CALHM4: variants seen among roughly 807,000 people sequenced by gnomAD.
The protein encoded by CALHM4 is calcium homeostasis modulator family member 4.
A neutral mutation model predicts 13.3 loss-of-function variants in CALHM4; 16 were observed. That is an observed-to-expected ratio of 1.20 (90% confidence interval 0.81 to 1.82). CALHM4 has a LOEUF of 1.82. CALHM4 is among the 40% of genes most tolerant of loss of function. The pLI, the probability that CALHM4 is intolerant of heterozygous loss-of-function variation, is 0.00. For synonymous variants in CALHM4, 127 were observed against 137.1 expected, an observed-to-expected ratio of 0.93 and a Z score of 0.52; for missense variants, 344 against 374.9, an observed-to-expected ratio of 0.92 and a Z score of 0.68.
chr6:116,553,831 A>G lies in CALHM4; in HGVS notation c.38A>G (p.Gln13Arg). 6.4e-7 allele frequency: 1 copy of G among 1,550,648 alleles called. No homozygotes were observed. Among genetic ancestry groups the G allele is most frequent in the Non-Finnish European group, 8.7e-7 (1 of 1,147,008 alleles). Residue 13 changes from glutamine to arginine, a missense_variant, in exon 1 of 2, where the codon CAG (glutamine) becomes CGG (arginine). By Grantham distance (43) the Gln-to-Arg change is conservative. Transcript: ENST00000368596. The part of the protein sequence containing the change: ...PTLNNIVSSL[Q>R]RNGIFINSLI... ...CTCAACAATATTGTGTCTTCTCTGCAGAGAAATGGAATATTTATCAATTCT... is the reference window on the plus strand; with the variant it reads ...CTCAACAATATTGTGTCTTCTCTGCGGAGAAATGGAATATTTATCAATTCT...
chr6:116,538,637 G>A lies in CALHM4; in HGVS notation c.-108-5128G>A, dbSNP rs76563779. Among the ~76,000 whole-genome samples the A allele has an allele frequency of 3.4e-3, 516 of 152,110 alleles. 5 individuals are homozygous for A. Among genetic ancestry groups the A allele is most frequent in the African/African-American group, 0.012 (486 of 41,522 alleles). On this transcript the variant is annotated intron_variant, in intron 1 of 2. Coordinates refer to the CALHM4 transcript ENST00000368597. ...CTAATAAACAACCTTAAATACAGGA[G>A]TCAGGTTTTATTTTCCACATTATAT...
At chr6:116,543,456 T>TC in intron 1 of CALHM4, 3 of 1,356,864 alleles carry the variant, frequency 2.2e-6, no homozygotes, top group Non-Finnish European at 3.0e-6. Flanking sequence ...TATACTACTG[T>TC]ATTTCTTTTG....
intron 2 of CALHM4, chr6:116,545,389 C>A: frequency 8.4e-7 from 1 of 1,197,128 alleles, no homozygotes; most frequent in Non-Finnish European, 1.2e-6. Flanking sequence ...ATTCTTATAG[C>A]ATCAGTTTTT....
In CALHM4 at chr6:116,559,213, G is replaced by A. The variant is rs1774477307; in HGVS notation, c.*1002G>A. On this transcript the variant is annotated 3_prime_UTR_variant, in exon 2 of 2. Transcript: ENST00000368596. ...TTATTTCTGTGATATATAGTGACTC[G>A]TGCCTGATTTTTGCTACGTTCACTG... Among the ~76,000 whole-genome samples the A allele has an allele frequency of 2.6e-5, 4 of 152,108 alleles. No individual in the cohort carries two copies. The highest frequency in any genetic ancestry group is 6.5e-5 in the Admixed American group (1 of 15,276).
chr6:116,553,634 A>G, upstream of CALHM4: 1 of 691,232 alleles, frequency 1.4e-6, no homozygotes, highest in Non-Finnish European at 2.4e-6. Context: ...AGGGTTTTCA[A>G]AGTACACAAG....
At chr6:116,542,575 C>T (rs1773530315) in intron 1 of CALHM4, among the ~76,000 whole-genome samples, 1 of 151,996 alleles carries the variant, frequency 6.6e-6, no homozygotes, top group African/African-American at 2.4e-5. Flanking sequence ...AATTAAAAAG[C>T]TCAAAAACCA....
At chr6:116,536,251 A>G (rs933528567) in intron 1 of CALHM4, among the ~76,000 whole-genome samples, 4 of 152,140 alleles carry the variant, frequency 2.6e-5, no homozygotes, top group African/African-American at 9.7e-5. Flanking sequence ...TTTTTATATA[A>G]AATGCAAGGT....
At chr6:116,544,059 A>G (rs1286736124) in intron 2 of CALHM4, among the ~76,000 whole-genome samples, 1 of 151,822 alleles carries the variant, frequency 6.6e-6, no homozygotes, top group East Asian at 1.9e-4. Context: ...TAAATTATCA[A>G]TGAAAAGTCT....
intron 2 of CALHM4, among the ~76,000 whole-genome samples, chr6:116,547,610 T>C (rs1050044317): frequency 1.3e-5 from 2 of 152,200 alleles, no homozygotes; most frequent in Non-Finnish European, 2.9e-5. Flanking sequence ...CAGCAGCTCT[T>C]AGGATGCAAG....
chr6:116,537,636 G>A (rs536279874), intron 1 of CALHM4, among the ~76,000 whole-genome samples: 1 of 152,076 alleles, frequency 6.6e-6, no homozygotes, highest in Non-Finnish European at 1.5e-5. Context: ...AGACTTCATT[G>A]TAAGGTAAAG....
intron 1 of CALHM4, among the ~76,000 whole-genome samples, chr6:116,529,985 A>G (rs1209663319): frequency 6.6e-6 from 1 of 152,224 alleles, no homozygotes; most frequent in East Asian, 1.9e-4. Context: ...AGGACAGGAA[A>G]AAAAATGCCT....
intron 1 of CALHM4, chr6:116,540,273 G>T (rs1773355815): frequency 8.2e-7 from 1 of 1,217,414 alleles, no homozygotes; most frequent in Non-Finnish European, 1.2e-6. Context: ...AATGCAGATG[G>T]AACCTGTCCA....
Position 116,553,799 on chromosome 6 carries a change from C to T in CALHM4, c.6C>T (p.Cys2=). The T allele has an allele frequency of 6.5e-7, 1 of 1,549,010 alleles. No homozygotes were observed. The highest frequency in any genetic ancestry group is 8.7e-7 in the Non-Finnish European group (1 of 1,146,000). The change falls in exon 1 of 2, where the codon TGC becomes TGT. Residue 2 remains cysteine, a synonymous_variant. Transcript: ENST00000368596. M[C]PTLNNIVSSL... is the part of the protein sequence containing the mutation. ...TTGTGTAACAGCTTCCCAAGATGTG[C>T]CCAACTCTCAACAATATTGTGTCTT...
At chr6:116,540,877 C>T (rs1198087255) in intron 1 of CALHM4, among the ~76,000 whole-genome samples, 1 of 152,086 alleles carries the variant, frequency 6.6e-6, no homozygotes, top group Non-Finnish European at 1.5e-5. Flanking sequence ...TCGCTCTTCT[C>T]TTAGCATTGT....
chr6:116,536,718 G>A (rs559741551), intron 1 of CALHM4, among the ~76,000 whole-genome samples: 2 of 152,220 alleles, frequency 1.3e-5, no homozygotes, highest in Non-Finnish European at 2.9e-5. Flanking sequence ...GATGGTGTTC[G>A]GTAGAAGTGT....
chr6:116,554,300 C>G lies in CALHM4; in HGVS notation c.507C>G (p.Asp169Glu). The change falls in exon 1 of 2, where the codon GAC (aspartate) becomes GAG (glutamate). Residue 169 changes from aspartate to glutamate, a missense_variant. Asp to Glu is a conservative substitution (Grantham distance 45). Transcript: ENST00000368596. ...CATGTTGCAGATCAGCTCCTTCTGA[C>G]GTGATCCTAGTAAGAGATGAAATAG... ...GFPCCRSAPS[D>E]VILVRDEIAL... 6.5e-7 allele frequency: 1 copy of G among 1,549,846 alleles called. No individual in the cohort carries two copies. Among genetic ancestry groups the G allele is most frequent in the East Asian group, 2.4e-5 (1 of 40,932 alleles).
At chr6:116,540,484 T>G (rs1562353708) in intron 1 of CALHM4, 2 of 1,546,458 alleles carry the variant, frequency 1.3e-6, no homozygotes, top group East Asian at 4.9e-5. Flanking sequence ...GGAAAGAGTG[T>G]GGTCTGAAAA....
At chr6:116,530,627 C>G (rs1356294834) in intron 1 of CALHM4, among the ~76,000 whole-genome samples, 1 of 152,120 alleles carries the variant, frequency 6.6e-6, no homozygotes, top group Non-Finnish European at 1.5e-5. Context: ...TGCTAATGGT[C>G]TAAAATATTT....
chr6:116,538,649 T>C (rs1032136367), intron 1 of CALHM4, among the ~76,000 whole-genome samples: 17 of 152,190 alleles, frequency 1.1e-4, no homozygotes, highest in Non-Finnish European at 2.5e-4. Flanking sequence ...CAGGTTTTAT[T>C]TTCCACATTA....
Sources: allele counts gnomAD v4.1 joint callset (sites outside exome capture counted in the v4.1 genomes callset), GRCh38; gene constraint gnomAD v4.1.1; transcripts MANE v1.5; gene names NCBI Gene and HGNC (gene_info 2026-07-23, HGNC 2026-07-21).